The following DTNA variants were observed in gnomAD, a reference collection of about 807,000 sequenced individuals.
DTNA encodes the protein dystrobrevin alpha.
In DTNA, 43 loss-of-function variants were observed where a neutral mutation model predicts 100.7. The ratio of observed to expected loss-of-function variants is 0.43; its 90% CI spans 0.33 to 0.55. DTNA has a LOEUF of 0.55. Ranked by LOEUF, DTNA falls within the 20% of genes least tolerant of loss-of-function variation. The probability of loss-of-function intolerance (pLI) is 0.04; values close to 1 mark genes in which losing one functional copy is unlikely to be tolerated. For missense variants in DTNA, 798 were observed against 953.9 expected (o/e 0.84, Z 2.15); for synonymous variants, 349 against 347.9 (o/e 1.00, Z -0.04).
chr18:34,751,375 T>C (rs2092304386), intron 1 of DTNA, among the ~76,000 whole-genome samples: 1 of 152,222 alleles, frequency 6.6e-6, no homozygotes, highest in African/African-American at 2.4e-5. Flanking sequence ...TTCCTTCCAC[T>C]CACCATGCTG....
chr18:34,499,216 A>G (rs1166398020), intron 1 of DTNA, among the ~76,000 whole-genome samples: 1 of 152,232 alleles, frequency 6.6e-6, no homozygotes, highest in Non-Finnish European at 1.5e-5. Flanking sequence ...CAAGAATGTT[A>G]TATAAGTGGA....
chr18:34,552,445 G>A (rs1179443832), intron 1 of DTNA, among the ~76,000 whole-genome samples: 1 of 150,864 alleles, frequency 6.6e-6, no homozygotes, highest in Non-Finnish European at 1.5e-5. Flanking sequence ...AGTTACATAT[G>A]TATACATGTG....
chr18:34,676,826 C>T (rs1568193949), intron 1 of DTNA, among the ~76,000 whole-genome samples: 1 of 152,122 alleles, frequency 6.6e-6, no homozygotes, highest in Non-Finnish European at 1.5e-5. Flanking sequence ...GAGAGCAAGA[C>T]CTTGTCTCAA....
intron 1 of DTNA, among the ~76,000 whole-genome samples, chr18:34,615,804 A>G (rs559625162): frequency 6.6e-6 from 1 of 152,228 alleles, no homozygotes; most frequent in East Asian, 1.9e-4. Flanking sequence ...TATGTACTCA[A>G]TGTTTAGCTC....
intron 1 of DTNA, among the ~76,000 whole-genome samples, chr18:34,534,348 G>T (rs1355499778): frequency 1.3e-5 from 2 of 151,994 alleles, no homozygotes; most frequent in African/African-American, 4.8e-5. Flanking sequence ...TTTTTACTGA[G>T]TAAATTCATT....
chr18:34,787,665 T>G (rs2094555393), intron 3 of DTNA, among the ~76,000 whole-genome samples: 1 of 152,152 alleles, frequency 6.6e-6, no homozygotes, highest in Non-Finnish European at 1.5e-5. Flanking sequence ...CATCTCCCAT[T>G]AAAATAGTGC....
chr18:34,887,950 G>A lies in DTNA; in HGVS notation c.*216G>A. On this transcript the variant is annotated 3_prime_UTR_variant, in exon 23 of 23. Coordinates refer to ENST00000444659, the MANE Select transcript of DTNA (RefSeq NM_001386795.1). ...GATGTGTCCTGATGACTATAGTGCA[G>A]CTAACTTTTTGTTCTCAGATTTGTA... 2.0e-6 allele frequency: 2 copies of A among 986,068 alleles called. No individual in the cohort carries two copies. Among genetic ancestry groups the A allele is most frequent in the Non-Finnish European group, 2.4e-6 (2 of 829,954 alleles). 61.1% of individuals were successfully genotyped at this position (986,068 alleles called of 1,614,324 possible). A position where few individuals can be genotyped will look rare whatever the true frequency, so the allele number is the denominator to read the frequency against.
At chr18:34,566,842 C>T (rs1330829326) in intron 1 of DTNA, among the ~76,000 whole-genome samples, 1 of 152,126 alleles carries the variant, frequency 6.6e-6, no homozygotes, top group Non-Finnish European at 1.5e-5. Flanking sequence ...ATAAAAGGAG[C>T]CTTAATGTTT....
intron 4 of DTNA, among the ~76,000 whole-genome samples, chr18:34,803,847 C>T (rs185775665): frequency 2.1e-4 from 32 of 152,242 alleles, no homozygotes; most frequent in Admixed American, 1.0e-3. Flanking sequence ...GATGGACACT[C>T]AAAATTCTAG....
chr18:34,586,256 G>A (rs543291537), intron 1 of DTNA, among the ~76,000 whole-genome samples: 6 of 152,166 alleles, frequency 3.9e-5, no homozygotes, highest in Non-Finnish European at 7.4e-5. Flanking sequence ...GTTGAGGCTT[G>A]GTTCCCAATG....
intron 1 of DTNA, among the ~76,000 whole-genome samples, chr18:34,746,429 G>A (rs2091588514): frequency 6.6e-6 from 1 of 152,146 alleles, no homozygotes; most frequent in Non-Finnish European, 1.5e-5. Flanking sequence ...TCTCTCCAAT[G>A]TGAGGCTCAG....
chr18:34,552,554 G>C (rs1407311986), intron 1 of DTNA, among the ~76,000 whole-genome samples: 1 of 120,046 alleles, frequency 8.3e-6, no homozygotes, highest in African/African-American at 3.1e-5. Context: ...ACAGTCCCCA[G>C]AGTGTGATAT....
intron 1 of DTNA, among the ~76,000 whole-genome samples, chr18:34,602,633 A>C (rs1598911032): frequency 1.3e-5 from 2 of 151,844 alleles, no homozygotes; most frequent in Non-Finnish European, 2.9e-5. Context: ...ATCCCAGCAC[A>C]TGGGAGGATC....
intron 1 of DTNA, among the ~76,000 whole-genome samples, chr18:34,635,519 C>G (rs1339800465): frequency 6.6e-6 from 1 of 152,092 alleles, no homozygotes; most frequent in African/African-American, 2.4e-5. Context: ...AATCTTAAAT[C>G]ATATTAATAA....
chr18:34,652,922 G>T (rs1469276438), intron 1 of DTNA, among the ~76,000 whole-genome samples: 2 of 152,052 alleles, frequency 1.3e-5, no homozygotes, highest in Non-Finnish European at 2.9e-5. Context: ...CAAAGGGGTG[G>T]ATACATATTC....
Position 34,530,584 on chromosome 18 carries a change from C to T in DTNA, c.-2+37070C>T, listed in dbSNP as rs180773647. On this transcript the variant is annotated intron_variant, in intron 1 of 19. Transcript: ENST00000283365. Reference sequence around the variant, plus strand: ...ACATGGAAAAGCAAAATTAATAATTCTATACTACCACTAATAATAATAGCT... The same window carrying T: ...ACATGGAAAAGCAAAATTAATAATTTTATACTACCACTAATAATAATAGCT... Among the ~76,000 whole-genome samples the T allele has an allele frequency of 2.0e-5, 3 of 152,182 alleles. No individual in the cohort carries two copies. In the East Asian group the frequency reaches 5.8e-4, roughly 30 times the overall value.
chr18:34,567,025 A>T (rs1187297549), intron 1 of DTNA, among the ~76,000 whole-genome samples: 1 of 152,216 alleles, frequency 6.6e-6, no homozygotes, highest in Non-Finnish European at 1.5e-5. Flanking sequence ...ATTCCATGGT[A>T]TGTCGTCAAT....
chr18:34,520,360 A>G (rs965481393), intron 1 of DTNA, among the ~76,000 whole-genome samples: 13 of 152,142 alleles, frequency 8.5e-5, no homozygotes, highest in African/African-American at 3.1e-4. Flanking sequence ...CATTTAAAAA[A>G]TCTTCCCAGG....
chr18:34,865,785 T>A (rs765324640), intron 17 of DTNA, among the ~76,000 whole-genome samples: 1 of 152,238 alleles, frequency 6.6e-6, no homozygotes, highest in Non-Finnish European at 1.5e-5. Context: ...TATGACTCTT[T>A]CCCTATGGGA....
Sources: gnomAD v4.1 joint callset for allele counts (sites outside exome capture counted in the v4.1 genomes callset) on GRCh38, gnomAD v4.1.1 for gene constraint, MANE v1.5 for transcripts, NCBI Gene and HGNC (gene_info 2026-07-23, HGNC 2026-07-21) for gene names.